Variants in MKLN1 observed in about 807,000 individuals in gnomAD.
MKLN1 encodes muskelin.
In MKLN1, 18 loss-of-function variants were observed where a neutral mutation model predicts 99.0. The ratio of observed to expected loss-of-function variants is 0.18; its 90% CI spans 0.13 to 0.27. MKLN1 has a LOEUF of 0.27. MKLN1 is among the 10% of genes least tolerant of loss of function. The probability of loss-of-function intolerance (pLI) is 1.00; values close to 1 mark genes in which losing one functional copy is unlikely to be tolerated. For missense variants in MKLN1, 621 were observed against 875.9 expected (o/e 0.71, Z 3.67); for synonymous variants, 288 against 293.2 (o/e 0.98, Z 0.18).
intron 10 of MKLN1, among the ~76,000 whole-genome samples, chr7:131,443,153 A>G (rs983135336): frequency 3.3e-5 from 5 of 152,212 alleles, no homozygotes; most frequent in African/African-American, 4.8e-5. Context: ...TAAGGAGGGT[A>G]TGATCACTAT....
intron 2 of MKLN1, among the ~76,000 whole-genome samples, chr7:131,173,006 A>C (rs1333454141): frequency 6.6e-6 from 1 of 152,238 alleles, no homozygotes; most frequent in African/African-American, 2.4e-5. Context: ...AATCAGGTGG[A>C]TTCTGTAACA....
intron 2 of MKLN1, among the ~76,000 whole-genome samples, chr7:131,192,161 ACTTATG>A (rs1796563116): frequency 8.5e-6 from 1 of 117,970 alleles, no homozygotes; most frequent in African/African-American, 3.5e-5. Flanking sequence ...ATACATATAT[ACTTATG>A]TATAATATAT....
chr7:131,442,565 A>T (rs1326344340), intron 10 of MKLN1, among the ~76,000 whole-genome samples: 1 of 152,172 alleles, frequency 6.6e-6, no homozygotes, highest in African/African-American at 2.4e-5. Flanking sequence ...AAAACAAATT[A>T]TGAAAATAGC....
At chr7:131,214,273 C>T (rs1333679430) in intron 3 of MKLN1, among the ~76,000 whole-genome samples, 1 of 152,116 alleles carries the variant, frequency 6.6e-6, no homozygotes, top group African/African-American at 2.4e-5. Flanking sequence ...CATAGTAATC[C>T]CATTCCTTTG....
At chr7:131,242,010 A>G (rs1797411055) in intron 3 of MKLN1, among the ~76,000 whole-genome samples, 1 of 152,124 alleles carries the variant, frequency 6.6e-6, no homozygotes. Context: ...TCATAATCCT[A>G]AACCTATTCT....
At chr7:131,165,279 A>G (rs921266459) in intron 2 of MKLN1, among the ~76,000 whole-genome samples, 1 of 152,064 alleles carries the variant, frequency 6.6e-6, no homozygotes, top group African/African-American at 2.4e-5. Context: ...TCTGCCTCCC[A>G]GGTTCAAGCG....
intron 14 of MKLN1, among the ~76,000 whole-genome samples, chr7:131,465,346 G>A (rs976412492): frequency 2.0e-5 from 3 of 152,034 alleles, no homozygotes; most frequent in African/African-American, 7.2e-5. Flanking sequence ...AAGTGATTGC[G>A]TTTCTTCACT....
chr7:131,451,632 T>A (rs918595712), intron 12 of MKLN1, among the ~76,000 whole-genome samples: 5 of 152,130 alleles, frequency 3.3e-5, no homozygotes, highest in Non-Finnish European at 7.4e-5. Flanking sequence ...CAGAAGAAAA[T>A]TATAATTTAA....
intron 15 of MKLN1, among the ~76,000 whole-genome samples, chr7:131,467,746 A>G (rs924510670): frequency 6.6e-6 from 1 of 152,178 alleles, no homozygotes; most frequent in Non-Finnish European, 1.5e-5. Context: ...TTTTAAGTAG[A>G]GGAGTAACAC....
chr7:131,186,063 G>A (rs1195616733), intron 2 of MKLN1, among the ~76,000 whole-genome samples: 1 of 151,858 alleles, frequency 6.6e-6, no homozygotes, highest in Non-Finnish European at 1.5e-5. Context: ...ATAGTGGCAC[G>A]CGCCTGTAAT....
intron 14 of MKLN1, among the ~76,000 whole-genome samples, 160 bp from the exon 15 acceptor site, chr7:131,466,116 G>A (rs947817413): frequency 1.5e-4 from 23 of 152,110 alleles, no homozygotes; most frequent in African/African-American, 5.3e-4. Context: ...AAGCAAAATA[G>A]AAATGAGAAA....
intron 3 of MKLN1, among the ~76,000 whole-genome samples, chr7:131,287,367 T>G (rs1233694994): frequency 1.3e-5 from 2 of 152,254 alleles, no homozygotes; most frequent in Non-Finnish European, 2.9e-5. Flanking sequence ...GCCACACTCC[T>G]GAAAGCTCTG....
intron 6 of MKLN1, among the ~76,000 whole-genome samples, chr7:131,400,381 A>T (rs1794496891): frequency 6.6e-6 from 1 of 151,902 alleles, no homozygotes; most frequent in South Asian, 2.1e-4. Context: ...AGCCTTGTGC[A>T]TTGTTATTGC....
At chr7:131,134,771 T>A (rs1417226917) in intron 1 of MKLN1, among the ~76,000 whole-genome samples, 1 of 152,210 alleles carries the variant, frequency 6.6e-6, no homozygotes, top group Non-Finnish European at 1.5e-5. Flanking sequence ...TACAGTAGTC[T>A]TCTAATTGGC....
chr7:131,473,858 T>C (rs1025314199), intron 16 of MKLN1, among the ~76,000 whole-genome samples: 1 of 152,154 alleles, frequency 6.6e-6, no homozygotes, highest in African/African-American at 2.4e-5. Flanking sequence ...TAGAATTGAA[T>C]AAGTACTGGG....
At chr7:131,165,222 G>A (rs1009463892) in intron 2 of MKLN1, among the ~76,000 whole-genome samples, 3 of 152,146 alleles carry the variant, frequency 2.0e-5, no homozygotes, top group African/African-American at 7.2e-5. Context: ...TTTCACTCTT[G>A]TTGCCCAGGC....
At chr7:131,173,817 G>A (rs563416566) in intron 2 of MKLN1, among the ~76,000 whole-genome samples, 1 of 152,176 alleles carries the variant, frequency 6.6e-6, no homozygotes, top group African/African-American at 2.4e-5. Flanking sequence ...GCCTTCTCCT[G>A]TAGGAGCTGA....
chr7:131,321,551 C>T (rs1798776531), intron 3 of MKLN1, among the ~76,000 whole-genome samples: 1 of 152,154 alleles, frequency 6.6e-6, no homozygotes, highest in Non-Finnish European at 1.5e-5. Flanking sequence ...CAAACCTGTA[C>T]ATTCTGCACA....
At chr7:131,411,246 C>T (rs1794865874) in intron 6 of MKLN1, 60 bp from the exon 7 acceptor site, 4 of 998,682 alleles carry the variant, frequency 4.0e-6, no homozygotes, top group Non-Finnish European at 4.4e-6. Context: ...TAATTTTTTT[C>T]TATAATAAAT....
Sources: allele counts gnomAD v4.1 joint callset (sites outside exome capture counted in the v4.1 genomes callset), GRCh38; gene constraint gnomAD v4.1.1; transcripts MANE v1.5; gene names NCBI Gene and HGNC (gene_info 2026-07-23, HGNC 2026-07-21).